Variants in CLIC5 observed in about 807,000 individuals in gnomAD.
CLIC5 encodes the protein chloride intracellular channel protein 5.
In CLIC5, 20 loss-of-function variants were observed where a neutral mutation model predicts 24.7. The ratio of observed to expected loss-of-function variants is 0.81; its 90% CI spans 0.57 to 1.18. The LOEUF is 1.18. Ranked by LOEUF, CLIC5 falls within the 50% of genes most tolerant of loss-of-function variation. The pLI is 0.00. For synonymous variants in CLIC5, 159 were observed against 135.6 expected (o/e 1.17, Z -1.20); for missense variants, 341 against 326.1 (o/e 1.05, Z -0.35).
At chr6:46,079,220 G>C (rs6903000) in intron 1 of CLIC5, among the ~76,000 whole-genome samples, 24,279 of 152,096 alleles carry the variant, frequency 0.16, 2,687 homozygotes, top group East Asian at 0.39. Flanking sequence ...CAAATTTTTA[G>C]TTATATTGGT....
Position 46,046,564 on chromosome 6 carries a change from A to G in CLIC5, c.540+33139T>C, listed in dbSNP as rs1767958916. On this transcript the variant is annotated intron_variant, in intron 1 of 5. Coordinates refer to the CLIC5 transcript ENST00000185206. ...GGTCAATTCAGTGTGGTCACTTAAG[A>G]GACCCCATCATTCATGTGAAACTTG... 2.0e-5 allele frequency among the ~76,000 whole-genome samples: 3 copies of G among 152,238 alleles called. No homozygotes were observed. In the South Asian group the frequency reaches 6.2e-4, roughly 32 times the overall value.
intron 1 of CLIC5, among the ~76,000 whole-genome samples, chr6:45,982,575 T>C (rs1206442139): frequency 6.6e-6 from 1 of 152,146 alleles, no homozygotes; most frequent in Admixed American, 6.5e-5. Flanking sequence ...TTGAACACCG[T>C]AGGCAACTGT....
chr6:46,127,736 A>G, the CLIC5 span, among the ~76,000 whole-genome samples: 47,864 of 152,086 alleles, frequency 0.31, 7,952 homozygotes, highest in Middle Eastern at 0.44. Context: ...TGTGGACTGC[A>G]TTGGTCTACA....
chr6:46,092,548 C>T, the CLIC5 span, among the ~76,000 whole-genome samples: 19 of 152,198 alleles, frequency 1.2e-4, no homozygotes, highest in African/African-American at 4.3e-4. Context: ...TCCTACCATT[C>T]ATAACATTCA....
intron 1 of CLIC5, among the ~76,000 whole-genome samples, chr6:46,074,928 C>T (rs1289861632): frequency 3.9e-5 from 6 of 152,218 alleles, no homozygotes; most frequent in Non-Finnish European, 2.9e-5. Context: ...GACCACTGCT[C>T]TTTCCACAAT....
chr6:45,922,469 C>T (rs1185790246), intron 4 of CLIC5, among the ~76,000 whole-genome samples: 1 of 152,186 alleles, frequency 6.6e-6, no homozygotes, highest in African/African-American at 2.4e-5. Context: ...CTCCACAAAT[C>T]ACCCTTATAT....
At chr6:46,060,542 C>A (rs1365710839) in intron 1 of CLIC5, among the ~76,000 whole-genome samples, 1 of 152,046 alleles carries the variant, frequency 6.6e-6, no homozygotes, top group African/African-American at 2.4e-5. Context: ...GTAGATTGCC[C>A]AAGATCACAG....
intron 1 of CLIC5, among the ~76,000 whole-genome samples, chr6:46,072,325 C>T (rs1049726676): frequency 1.3e-5 from 2 of 151,210 alleles, no homozygotes; most frequent in Admixed American, 6.6e-5. Flanking sequence ...ACTCTAGAGG[C>T]AGAGTGACCA....
chr6:45,960,747 A>G (rs752545487), intron 1 of CLIC5, among the ~76,000 whole-genome samples: 33 of 151,968 alleles, frequency 2.2e-4, no homozygotes, highest in Middle Eastern at 3.4e-3. Flanking sequence ...CTCCACTAAC[A>G]CCTAGATCCT....
At chr6:45,918,040 T>A (rs978294230) in intron 4 of CLIC5, among the ~76,000 whole-genome samples, 2 of 152,224 alleles carry the variant, frequency 1.3e-5, no homozygotes, top group Non-Finnish European at 2.9e-5. Flanking sequence ...CCCAGTGTTT[T>A]AACTGCTTTC....
intron 1 of CLIC5, among the ~76,000 whole-genome samples, chr6:45,966,612 CCACCGACAGTAG>C (rs1294311843): frequency 6.6e-6 from 1 of 152,184 alleles, no homozygotes; most frequent in African/African-American, 2.4e-5. Flanking sequence ...GCTGGACCAA[CCACCGACAGTAG>C]CACTTAGGAC....
chr6:45,984,347 T>G (rs904870590), intron 1 of CLIC5, among the ~76,000 whole-genome samples: 1 of 152,164 alleles, frequency 6.6e-6, no homozygotes, highest in Admixed American at 6.5e-5. Flanking sequence ...ACCTGTGCTA[T>G]CCCTGGACTC....
intron 1 of CLIC5, among the ~76,000 whole-genome samples, chr6:45,989,425 A>G (rs1765853144): frequency 6.6e-6 from 1 of 152,184 alleles, no homozygotes; most frequent in Admixed American, 6.5e-5. Context: ...TTTGGTAAAA[A>G]CATTAAGAAA....
intron 1 of CLIC5, among the ~76,000 whole-genome samples, chr6:46,032,136 A>G (rs9463170): frequency 0.14 from 20,730 of 152,122 alleles, 1,524 homozygotes; most frequent in African/African-American, 0.17. Context: ...AGCATGGCTG[A>G]GAAGGCCTCA....
chr6:45,942,379 T>C (rs540281641), intron 3 of CLIC5, among the ~76,000 whole-genome samples: 3 of 152,310 alleles, frequency 2.0e-5, no homozygotes, highest in Admixed American at 6.5e-5. Flanking sequence ...GTTAGAACGA[T>C]TGGCCTTGAG....
At chr6:45,925,073 G>T (rs1025812355) in intron 4 of CLIC5, among the ~76,000 whole-genome samples, 1 of 152,152 alleles carries the variant, frequency 6.6e-6, no homozygotes, top group African/African-American at 2.4e-5. Context: ...AACTACATTT[G>T]CCTGGAACTC....
intron 1 of CLIC5, among the ~76,000 whole-genome samples, chr6:46,010,104 C>T (rs1409118175): frequency 6.6e-6 from 1 of 152,196 alleles, no homozygotes; most frequent in East Asian, 1.9e-4. Flanking sequence ...ATTTCTCTTC[C>T]AGTTCCCTGA....
chr6:46,050,400 T>C (rs769452831), intron 1 of CLIC5, among the ~76,000 whole-genome samples: 3 of 152,168 alleles, frequency 2.0e-5, no homozygotes, highest in Non-Finnish European at 2.9e-5. Flanking sequence ...ACCAACACAA[T>C]ATACCATTTG....
At chr6:46,089,248 T>C in the CLIC5 span, among the ~76,000 whole-genome samples, 4 of 152,116 alleles carry the variant, frequency 2.6e-5, no homozygotes, top group African/African-American at 9.7e-5. Flanking sequence ...GCATATTGTT[T>C]TAGCAAAATG....
Sources: gnomAD v4.1 joint callset for allele counts (sites outside exome capture counted in the v4.1 genomes callset) on GRCh38, gnomAD v4.1.1 for gene constraint, MANE v1.5 for transcripts, NCBI Gene and HGNC (gene_info 2026-07-23, HGNC 2026-07-21) for gene names.